ALK: variants seen among roughly 807,000 people sequenced by gnomAD.
The protein encoded by ALK is ALK tyrosine kinase receptor.
In ALK, 74 loss-of-function variants were observed where a neutral mutation model predicts 163.1. That is an observed-to-expected ratio of 0.45 (90% CI 0.38 to 0.55). ALK has a LOEUF of 0.55. Among genes scored for constraint, ALK ranks in the 20% least tolerant of loss-of-function variants. The pLI is 0.00. For missense variants in ALK, 2,063 were observed against 2,105.3 expected (o/e 0.98, Z 0.39); for synonymous variants, 960 against 843.2 (o/e 1.14, Z -2.40).
intron 3 of ALK, among the ~76,000 whole-genome samples, chr2:29,565,949 G>A (rs1449579815): frequency 6.6e-6 from 1 of 152,208 alleles, no homozygotes; most frequent in Non-Finnish European, 1.5e-5. Context: ...AGCACTCAGA[G>A]CTTTGTGGGA....
intron 6 of ALK, among the ~76,000 whole-genome samples, chr2:29,326,758 C>G (rs894543549): frequency 6.6e-6 from 1 of 152,168 alleles, no homozygotes; most frequent in Non-Finnish European, 1.5e-5. Flanking sequence ...GTCTTTATTG[C>G]TTAATTTAAA....
In ALK at chr2:29,602,112, G is replaced by C. The variant is rs114521892; in HGVS notation, c.953-69996C>G. Reference sequence around the variant, plus strand: ...AGGCAACGGAAAGCTGAGCAAACTCGATATGAATCATATATTTTTGTTTTT... The same window carrying C: ...AGGCAACGGAAAGCTGAGCAAACTCCATATGAATCATATATTTTTGTTTTT... On this transcript the variant is annotated intron_variant, in intron 3 of 28. Coordinates refer to ENST00000389048, the MANE Select transcript of ALK (RefSeq NM_004304.5). Among the ~76,000 whole-genome samples the C allele has an allele frequency of 6.0e-3, 913 of 152,264 alleles. 7 individuals are homozygous for C. Among genetic ancestry groups the C allele is most frequent in the African/African-American group, 0.021 (877 of 41,546 alleles).
intron 4 of ALK, among the ~76,000 whole-genome samples, chr2:29,408,999 A>G (rs550366166): frequency 4.1e-4 from 62 of 152,318 alleles, no homozygotes; most frequent in Non-Finnish European, 6.8e-4. Context: ...ATCTCAATCC[A>G]CACCTATCTC....
chr2:29,670,524 A>G (rs2631976), intron 3 of ALK, among the ~76,000 whole-genome samples: 96,811 of 151,846 alleles, frequency 0.64, 34,372 homozygotes, highest in Non-Finnish European at 0.79. Context: ...TCTGGTGTTC[A>G]TAGACCTTGG....
chr2:29,396,494 T>G (rs1669306707), intron 4 of ALK, among the ~76,000 whole-genome samples: 1 of 152,024 alleles, frequency 6.6e-6, no homozygotes, highest in Non-Finnish European at 1.5e-5. Flanking sequence ...ACCAACATGG[T>G]GAAACCCTGT....
intron 4 of ALK, among the ~76,000 whole-genome samples, chr2:29,472,065 A>G (rs970482753): frequency 6.6e-6 from 1 of 152,192 alleles, no homozygotes; most frequent in Non-Finnish European, 1.5e-5. Context: ...TTTCAAGGCA[A>G]GATCACAGGT....
intron 1 of ALK, among the ~76,000 whole-genome samples, chr2:29,874,301 G>A (rs986540655): frequency 7.1e-5 from 10 of 141,774 alleles, no homozygotes; most frequent in South Asian, 2.4e-4. Flanking sequence ...AGCCCAGTAC[G>A]AAAAGTGCTG....
rs764207516 is a variant in ALK at position 29,383,786 on chromosome 2, C to T, written c.1228G>A (p.Gly410Arg). Residue 410 changes from glycine to arginine, a missense_variant, in exon 5 of 29, where the codon GGA becomes AGA. Coordinates refer to ENST00000389048, the MANE Select transcript of ALK (RefSeq NM_004304.5). ...FRVALEYISS[G>R]NRSLSAVDFF... is the part of the protein sequence containing the mutation. The stretch of plus-strand genomic sequence containing the variant: ...TCCACTGCAGACAAGCTGCGGTTTC[C>T]ACTGGAGATGTATTCCAGGGCCACT... 2 of 1,614,042 alleles carry T rather than the reference C, an allele frequency of 1.2e-6. No homozygotes were observed. Among genetic ancestry groups the T allele is most frequent in the African/African-American group, 1.3e-5 (1 of 74,934 alleles).
At position 29,256,609 on chromosome 2, in the gene ALK, G is replaced by GTTT. The variant is rs542242958; in HGVS notation, c.2042-5345_2042-5343dup. Among the ~76,000 whole-genome samples, 164 of 145,110 alleles carry GTTT rather than the reference G, an allele frequency of 1.1e-3. 1 individual carries two copies. Among genetic ancestry groups the GTTT allele is most frequent in the African/African-American group, 4.1e-3 (162 of 39,688 alleles). ...AAATCTCTAGGGAACACTTTTGAGT[G>GTTT]TTTTTTTTTTTTCTTTTGAAATCCC... On this transcript the variant is annotated intron_variant, in intron 11 of 28. Coordinates refer to ENST00000389048, the MANE Select transcript of ALK (RefSeq NM_004304.5).
intron 12 of ALK, among the ~76,000 whole-genome samples, chr2:29,243,020 T>C (rs548061349): frequency 6.6e-6 from 1 of 152,336 alleles, no homozygotes; most frequent in African/African-American, 2.4e-5. Flanking sequence ...AAGCCTGAAA[T>C]TCCACCATTA....
At chr2:29,230,060 T>A (rs1664151484) in intron 15 of ALK, among the ~76,000 whole-genome samples, 1 of 152,210 alleles carries the variant, frequency 6.6e-6, no homozygotes, top group African/African-American at 2.4e-5. Flanking sequence ...CATAGGACAT[T>A]TGAATAGACA....
chr2:29,651,376 C>T (rs79408445), intron 3 of ALK, among the ~76,000 whole-genome samples: 2,114 of 152,286 alleles, frequency 0.014, 48 homozygotes, highest in African/African-American at 0.047. Context: ...CTAACACACA[C>T]ACACATATTC....
At chr2:29,669,925 T>C (rs945793905) in intron 3 of ALK, among the ~76,000 whole-genome samples, 2 of 152,010 alleles carry the variant, frequency 1.3e-5, no homozygotes, top group African/African-American at 4.8e-5. Flanking sequence ...CCCCCACATG[T>C]TGAATTTTAG....
chr2:29,443,054 G>A (rs1670585687), intron 4 of ALK, among the ~76,000 whole-genome samples: 2 of 152,174 alleles, frequency 1.3e-5, no homozygotes, highest in Admixed American at 1.3e-4. Context: ...GAGAATGAAG[G>A]CATCAGCCTT....
chr2:29,489,303 A>G (rs970203715), intron 4 of ALK, among the ~76,000 whole-genome samples: 8 of 152,104 alleles, frequency 5.3e-5, no homozygotes, highest in East Asian at 1.9e-4. Flanking sequence ...ATGTTACATT[A>G]TTATTATTAC....
At chr2:29,764,549 T>A (rs993285754) in intron 1 of ALK, among the ~76,000 whole-genome samples, 1 of 152,164 alleles carries the variant, frequency 6.6e-6, no homozygotes, top group Non-Finnish European at 1.5e-5. Context: ...GAGCACACAC[T>A]TGGGGCCAGG....
chr2:29,815,780 G>T (rs116115678), intron 1 of ALK, among the ~76,000 whole-genome samples: 4,012 of 152,178 alleles, frequency 0.026, 83 homozygotes, highest in Middle Eastern at 0.048. Context: ...TACCTGATGC[G>T]CCCCTGAGAC....
chr2:29,391,744 T>C (rs1373702439), intron 4 of ALK, among the ~76,000 whole-genome samples: 4 of 152,140 alleles, frequency 2.6e-5, no homozygotes, highest in Non-Finnish European at 4.4e-5. Flanking sequence ...AGAAATATAA[T>C]AATTAAGCAG....
At chr2:29,590,384 T>A (rs1046913118) in intron 3 of ALK, among the ~76,000 whole-genome samples, 7 of 152,320 alleles carry the variant, frequency 4.6e-5, no homozygotes, top group Admixed American at 3.3e-4. Flanking sequence ...ATTTTTTACC[T>A]TCAAACTCAA....
Sources: gnomAD v4.1 joint callset for allele counts (sites outside exome capture counted in the v4.1 genomes callset) on GRCh38, gnomAD v4.1.1 for gene constraint, MANE v1.5 for transcripts, NCBI Gene and HGNC (gene_info 2026-07-23, HGNC 2026-07-21) for gene names.